MYO18A: variants seen among roughly 807,000 people sequenced by gnomAD.
MYO18A encodes myosin XVIIIA.
Under a neutral mutation model 235.8 loss-of-function variants are expected in MYO18A, and 78 were observed. The ratio of observed to expected loss-of-function variants is 0.33; its 90% CI spans 0.28 to 0.40. The LOEUF is 0.40. MYO18A is among the 10% of genes least tolerant of loss of function. The pLI is 1.00. For synonymous variants in MYO18A, 977 were observed against 1,077.8 expected (o/e 0.91, Z 1.83); for missense variants, 2,215 against 2,699.3 (o/e 0.82, Z 3.98).
intron 2 of MYO18A, among the ~76,000 whole-genome samples, chr17:29,144,969 G>A (rs1340346981): frequency 6.6e-6 from 1 of 152,172 alleles, no homozygotes; most frequent in Non-Finnish European, 1.5e-5. Context: ...TAATAGTCAT[G>A]TACAGCATAT....
At chr17:29,131,026 C>T (rs537688228) in intron 2 of MYO18A, among the ~76,000 whole-genome samples, 17 of 152,308 alleles carry the variant, frequency 1.1e-4, no homozygotes, top group Admixed American at 5.2e-4. Context: ...TTTGCCCACC[C>T]AAGCCTCTCC....
chr17:29,079,375 T>C (rs991534068), intron 41 of MYO18A, among the ~76,000 whole-genome samples: 2 of 152,224 alleles, frequency 1.3e-5, no homozygotes, highest in African/African-American at 4.8e-5. Flanking sequence ...TCTCCAAGCC[T>C]CAGCTTCATC....
At chr17:29,110,855 C>T (rs1054919229) in intron 17 of MYO18A, among the ~76,000 whole-genome samples, 4 of 152,162 alleles carry the variant, frequency 2.6e-5, no homozygotes, top group South Asian at 2.1e-4. Flanking sequence ...GGACAGGAAT[C>T]GGACAGAGGG....
At chr17:29,107,029 C>A in intron 20 of MYO18A, 51 bp downstream of exon 20, 5 of 1,554,204 alleles carry the variant, frequency 3.2e-6, no homozygotes, top group South Asian at 1.1e-5. Context: ...GAAAGGGCAG[C>A]TGCTTGAGGG....
chr17:29,082,463 T>C, intron 40 of MYO18A, 25 bp from the exon 41 acceptor site: 3 of 1,608,112 alleles, frequency 1.9e-6, no homozygotes, highest in African/African-American at 1.3e-5. Flanking sequence ...AGCAGAAAGG[T>C]AGACAAGGCA....
rs200703096 is a variant in MYO18A at position 29,154,099 on chromosome 17, A to AGTGTGT, written c.999+11842_999+11843insACACAC. 6.2e-4 allele frequency among the ~76,000 whole-genome samples: 92 copies of AGTGTGT among 149,390 alleles called. 1 individual carries two copies. The highest frequency in any genetic ancestry group is 4.6e-3 in the Admixed American group (70 of 15,164). The stretch of plus-strand genomic sequence containing the variant: ...AAGGACAACCCACTCTAAATTCTGC[A>AGTGTGT]GAGTGTGTGTGTGTGTGTGTGTGCG... On this transcript the variant is annotated intron_variant, in intron 2 of 41. Coordinates refer to ENST00000527372, the MANE Select transcript of MYO18A (RefSeq NM_078471.4).
intron 2 of MYO18A, among the ~76,000 whole-genome samples, chr17:29,135,970 G>C (rs915615161): frequency 6.6e-6 from 1 of 152,206 alleles, no homozygotes; most frequent in Non-Finnish European, 1.5e-5. Flanking sequence ...GCTCACGCCT[G>C]TAATCCCAGA....
rs775461976 is a variant in MYO18A at position 29,086,953 on chromosome 17, G to A, written c.5695C>T (p.Arg1899Cys). ...ELARKEAEAS[R>C]KKHELEMDLE... ...GGCATTACCAGTTCGTGCTTCTTGC[G>A]GCTCGCCTCGGCCTCCTTCCTGGCA... The change falls in exon 38 of 42, where the codon CGC (arginine) becomes TGC (cysteine). Residue 1899 changes from arginine (R) to cysteine (C), a missense_variant. By Grantham distance (180) the Arg-to-Cys change is radical. Transcript: ENST00000527372. 42 of 1,611,094 alleles carry A rather than the reference G, an allele frequency of 2.6e-5. No homozygotes were observed. Among genetic ancestry groups the A allele is most frequent in the Admixed American group, 3.4e-5 (2 of 59,610 alleles).
intron 2 of MYO18A, among the ~76,000 whole-genome samples, chr17:29,127,313 T>C (rs2067346116): frequency 6.6e-6 from 1 of 152,234 alleles, no homozygotes; most frequent in African/African-American, 2.4e-5. Context: ...TCATTATGTA[T>C]ACTGTATGGC....
intron 2 of MYO18A, among the ~76,000 whole-genome samples, chr17:29,157,592 C>T (rs956414245): frequency 1.5e-4 from 23 of 152,210 alleles, no homozygotes; most frequent in African/African-American, 5.1e-4. Flanking sequence ...TAACTTTAAC[C>T]TCTCAGTAAT....
At chr17:29,101,433 G>A (rs1182798558) in intron 21 of MYO18A, among the ~76,000 whole-genome samples, 1 of 152,124 alleles carries the variant, frequency 6.6e-6, no homozygotes, top group Non-Finnish European at 1.5e-5. Context: ...AGCCTCCCGA[G>A]TAGCTGGGAC....
At chr17:29,162,725 A>G (rs1450568664) in intron 2 of MYO18A, among the ~76,000 whole-genome samples, 1 of 152,184 alleles carries the variant, frequency 6.6e-6, no homozygotes, top group African/African-American at 2.4e-5. Context: ...TGCTCAACAA[A>G]TGCTTCCCTA....
Position 29,166,898 on chromosome 17 carries a change from G to T in MYO18A, c.43C>A (p.Arg15=), listed in dbSNP as rs545694175. ...TCCTTTTTCTCCTTCTTCTCCTTCC[G>T]CCCGCCATCTTTGTCCTTGTCTTTC... The part of the protein sequence containing the change: ...MKKDKDKDGG[R]KEKKEKKEKK... Residue 15 remains arginine (R), a synonymous_variant, in exon 2 of 42, where the codon CGG becomes AGG. Coordinates refer to ENST00000527372, the MANE Select transcript of MYO18A (RefSeq NM_078471.4). The T allele has an allele frequency of 1.3e-6, 2 of 1,549,924 alleles. No homozygotes were observed. The highest frequency in any genetic ancestry group is 2.4e-5 in the South Asian group (2 of 83,916).
At chr17:29,112,664 GAGTTCCT>G (rs2066960264) in intron 15 of MYO18A, among the ~76,000 whole-genome samples, 1 of 152,230 alleles carries the variant, frequency 6.6e-6, no homozygotes, top group Non-Finnish European at 1.5e-5. Flanking sequence ...CTTTTCTGTG[GAGTTCCT>G]GCATCTTTCT....
At chr17:29,159,995 C>T (rs1224137159) in intron 2 of MYO18A, among the ~76,000 whole-genome samples, 7 of 152,118 alleles carry the variant, frequency 4.6e-5, no homozygotes, top group South Asian at 4.1e-4. Flanking sequence ...AAAATCCAGA[C>T]GAAAGCATCA....
intron 14 of MYO18A, 66 bp downstream of exon 14, chr17:29,114,841 G>A (rs2067017635): frequency 4.0e-6 from 6 of 1,513,536 alleles, no homozygotes; most frequent in South Asian, 1.3e-5. Flanking sequence ...TGCATCCACA[G>A]ATGCCCTCGC....
In MYO18A at chr17:29,087,080, A is replaced by T. The variant is rs755766051; in HGVS notation, c.5568T>A (p.Thr1856=). Residue 1856 remains threonine (T), a synonymous_variant, in exon 38 of 42, where the codon ACT becomes ACA. Coordinates refer to ENST00000527372, the MANE Select transcript of MYO18A (RefSeq NM_078471.4). ...SRLKENMEKL[T]EERDQRIAAE... is the part of the protein sequence containing the mutation. ...CTGCAATGCGCTGATCCCGCTCCTC[A>T]GTCAGCTTCTCCATGTTTTCCTTGA... The T allele has an allele frequency of 3.7e-6, 6 of 1,613,756 alleles. No individual in the cohort carries two copies. The highest frequency in any genetic ancestry group is 1.6e-4 in the Middle Eastern group (1 of 6,062).
intron 2 of MYO18A, among the ~76,000 whole-genome samples, chr17:29,145,918 G>A (rs138941260): frequency 6.6e-6 from 1 of 152,318 alleles, no homozygotes; most frequent in Non-Finnish European, 1.5e-5. Flanking sequence ...ATGTGGCAAT[G>A]AGGTAGGAAG....
intron 3 of MYO18A, 82 bp from the exon 4 acceptor site, chr17:29,122,039 C>A: frequency 6.5e-7 from 1 of 1,533,768 alleles, no homozygotes; most frequent in Non-Finnish European, 9.0e-7. Context: ...CCTATCCTCC[C>A]CCCCACTGCA....
Sources: gnomAD v4.1 joint callset for allele counts (sites outside exome capture counted in the v4.1 genomes callset) on GRCh38, gnomAD v4.1.1 for gene constraint, MANE v1.5 for transcripts, NCBI Gene and HGNC (gene_info 2026-07-23, HGNC 2026-07-21) for gene names.